PKNOX2: variants seen among roughly 807,000 people sequenced by gnomAD.
The protein encoded by PKNOX2 is homeobox protein PKNOX2.
In PKNOX2, 14 loss-of-function variants were observed where a neutral mutation model predicts 53.1. That is an observed-to-expected ratio of 0.26 (90% CI 0.17 to 0.41). PKNOX2 has a LOEUF of 0.41. Among genes scored for constraint, PKNOX2 ranks in the 10% least tolerant of loss-of-function variants. The pLI is 1.00. For missense variants in PKNOX2, 496 were observed against 602.8 expected, an observed-to-expected ratio of 0.82 and a Z score of 1.85; for synonymous variants, 257 against 242.8, an observed-to-expected ratio of 1.06 and a Z score of -0.54.
At chr11:125,255,898 G>A (rs1412617252) in intron 2 of PKNOX2, among the ~76,000 whole-genome samples, 1 of 151,838 alleles carries the variant, frequency 6.6e-6, no homozygotes, top group East Asian at 1.9e-4. Flanking sequence ...CCCACAGCTA[G>A]AAGTCATGCA....
At chr11:125,216,180 C>T (rs1940473455) in intron 1 of PKNOX2, among the ~76,000 whole-genome samples, 2 of 152,174 alleles carry the variant, frequency 1.3e-5, no homozygotes, top group South Asian at 2.1e-4. Context: ...TTGTCCTGCT[C>T]AAGGAGAAAA....
chr11:125,169,011 G>A (rs988013875), intron 1 of PKNOX2, among the ~76,000 whole-genome samples: 2 of 152,126 alleles, frequency 1.3e-5, no homozygotes, highest in African/African-American at 2.4e-5. Flanking sequence ...AAATTAGTTC[G>A]AGGAGGGTGA....
chr11:125,243,330 G>A (rs56104811), intron 2 of PKNOX2, among the ~76,000 whole-genome samples: 44,078 of 151,886 alleles, frequency 0.29, 6,631 homozygotes, highest in Non-Finnish European at 0.33. Flanking sequence ...CTCCCCTTCT[G>A]GGTGGACTGT....
intron 2 of PKNOX2, among the ~76,000 whole-genome samples, chr11:125,315,303 GAAAAA>G (rs534448203): frequency 0.057 from 4,488 of 79,400 alleles, 271 homozygotes; most frequent in African/African-American, 0.17. Flanking sequence ...TGTGAAGCAG[GAAAAA>G]AAAAAAAAAA....
At chr11:125,236,626 A>G (rs1457995271) in intron 2 of PKNOX2, among the ~76,000 whole-genome samples, 1 of 152,214 alleles carries the variant, frequency 6.6e-6, no homozygotes, top group Non-Finnish European at 1.5e-5. Flanking sequence ...GCAGGGACAC[A>G]GCCTTGGGCC....
At chr11:125,318,424 A>G (rs771871007) in intron 2 of PKNOX2, among the ~76,000 whole-genome samples, 3 of 151,968 alleles carry the variant, frequency 2.0e-5, no homozygotes, top group African/African-American at 7.3e-5. Flanking sequence ...CCCTGCCCCA[A>G]CTTTTCTTCT....
intron 2 of PKNOX2, among the ~76,000 whole-genome samples, chr11:125,253,084 T>C (rs780382751): frequency 1.3e-5 from 2 of 152,192 alleles, no homozygotes; most frequent in Non-Finnish European, 2.9e-5. Context: ...GGGTTGGAAG[T>C]GAAGAATTTA....
intron 1 of PKNOX2, among the ~76,000 whole-genome samples, chr11:125,215,309 G>C (rs759346509): frequency 6.6e-6 from 1 of 152,104 alleles, no homozygotes; most frequent in Non-Finnish European, 1.5e-5. Flanking sequence ...AGGACTGTGA[G>C]TTAGGAGAAT....
intron 2 of PKNOX2, among the ~76,000 whole-genome samples, chr11:125,305,759 T>G (rs34809176): frequency 6.6e-6 from 1 of 151,950 alleles, no homozygotes; most frequent in Non-Finnish European, 1.5e-5. Context: ...GCAAACCGAC[T>G]GAAGTGTGGT....
intron 7 of PKNOX2, 78 bp downstream of exon 7, chr11:125,398,140 C>A: frequency 7.0e-7 from 1 of 1,426,808 alleles, no homozygotes; most frequent in Non-Finnish European, 9.5e-7. Flanking sequence ...GAGGAAGGTC[C>A]CCTGGTGACC....
rs187196874 is a variant in PKNOX2 at position 125,333,065 on chromosome 11, G to A, written c.-23+1140G>A. Among the ~76,000 whole-genome samples the A allele has an allele frequency of 2.6e-3, 403 of 152,304 alleles. 2 individuals are homozygous for A. Among genetic ancestry groups the A allele is most frequent in the African/African-American group, 8.4e-3 (349 of 41,564 alleles). ...GTGTGGGTTGGGCGATGCCCGTTTC[G>A]GGGGCAAGTTGAGCCTTTTCAACAT... On this transcript the variant is annotated intron_variant, in intron 3 of 12. Coordinates refer to ENST00000298282, the MANE Select transcript of PKNOX2 (RefSeq NM_001382323.2).
chr11:125,254,395 A>T, intron 2 of PKNOX2, among the ~76,000 whole-genome samples: 1 of 152,298 alleles, frequency 6.6e-6, no homozygotes, highest in East Asian at 1.9e-4. Context: ...CTCCTCACCC[A>T]GTGGGATCTG....
intron 2 of PKNOX2, among the ~76,000 whole-genome samples, chr11:125,253,216 G>A (rs1322243026): frequency 6.6e-6 from 1 of 152,122 alleles, no homozygotes. Flanking sequence ...ATTTATCAGG[G>A]CCTACTCTTG....
intron 2 of PKNOX2, among the ~76,000 whole-genome samples, chr11:125,261,815 C>G (rs1291937837): frequency 2.0e-5 from 3 of 152,192 alleles, no homozygotes; most frequent in Non-Finnish European, 2.9e-5. Context: ...CCCGAGACAC[C>G]AAATTTTTGT....
intron 2 of PKNOX2, among the ~76,000 whole-genome samples, chr11:125,300,953 T>C (rs1390109651): frequency 6.6e-6 from 1 of 152,200 alleles, no homozygotes; most frequent in Non-Finnish European, 1.5e-5. Flanking sequence ...GAGGAGGTCT[T>C]AAGCTCTAGC....
intron 5 of PKNOX2, among the ~76,000 whole-genome samples, chr11:125,374,375 G>A (rs1952718920): frequency 6.6e-6 from 1 of 152,152 alleles, no homozygotes; most frequent in African/African-American, 2.4e-5. Flanking sequence ...TTCTTCTGGT[G>A]GATAGTCCCT....
intron 10 of PKNOX2, among the ~76,000 whole-genome samples, chr11:125,425,738 G>A (rs1299231380): frequency 6.6e-6 from 1 of 152,216 alleles, no homozygotes; most frequent in African/African-American, 2.4e-5. Context: ...CTGTCCAGAG[G>A]CCAGGACTAT....
chr11:125,401,909 C>T (rs565686684), intron 7 of PKNOX2, among the ~76,000 whole-genome samples: 28 of 152,280 alleles, frequency 1.8e-4, no homozygotes, highest in South Asian at 4.1e-4. Context: ...GGAACATGAT[C>T]CTCTGGATCA....
chr11:125,235,288 C>T (rs779898672), intron 2 of PKNOX2, among the ~76,000 whole-genome samples, 173 bp downstream of exon 2: 1 of 152,206 alleles, frequency 6.6e-6, no homozygotes, highest in Non-Finnish European at 1.5e-5. Flanking sequence ...CTGAATGTGA[C>T]AAAGAGGCCC....
Sources: allele counts gnomAD v4.1 joint callset (sites outside exome capture counted in the v4.1 genomes callset), GRCh38; gene constraint gnomAD v4.1.1; transcripts MANE v1.5; gene names NCBI Gene and HGNC (gene_info 2026-07-23, HGNC 2026-07-21).